RSRC1: variants seen among roughly 807,000 people sequenced by gnomAD.
RSRC1 encodes the protein arginine and serine rich coiled-coil 1.
RSRC1 carries 39 observed loss-of-function variants against 49.1 expected under a neutral mutation model. That is an observed-to-expected ratio of 0.79 (90% confidence interval 0.61 to 1.04). The LOEUF is 1.04. Ranked by LOEUF, RSRC1 falls within the 50% of genes least tolerant of loss-of-function variation. RSRC1 has a pLI of 0.00. For missense variants in RSRC1, 388 were observed against 402.4 expected, an observed-to-expected ratio of 0.96 and a Z score of 0.31; for synonymous variants, 143 against 130.8, an observed-to-expected ratio of 1.09 and a Z score of -0.63.
At chr3:158,241,795 CTG>C (rs1412743246) in intron 4 of RSRC1, among the ~76,000 whole-genome samples, 1 of 151,888 alleles carries the variant, frequency 6.6e-6, no homozygotes, top group African/African-American at 2.4e-5. Flanking sequence ...TCTTGAAAGT[CTG>C]TATCTTAAAA....
At chr3:158,370,386 G>A (rs1017964693) in intron 6 of RSRC1, among the ~76,000 whole-genome samples, 6 of 151,914 alleles carry the variant, frequency 3.9e-5, no homozygotes, top group Non-Finnish European at 8.8e-5. Context: ...ACTCCAGAAG[G>A]TTTCTTTGTT....
chr3:158,206,730 A>G (rs570121135), intron 4 of RSRC1, among the ~76,000 whole-genome samples: 1 of 152,222 alleles, frequency 6.6e-6, no homozygotes, highest in East Asian at 1.9e-4. Context: ...CCTGACCAAC[A>G]TGGTGAAACC....
At chr3:158,146,389 T>A (rs1717119824) in intron 3 of RSRC1, among the ~76,000 whole-genome samples, 1 of 152,112 alleles carries the variant, frequency 6.6e-6, no homozygotes, top group Admixed American at 6.5e-5. Context: ...GAGATAATCA[T>A]GTGGTTTTTG....
chr3:158,134,912 AT>A (rs1384676676), intron 3 of RSRC1, among the ~76,000 whole-genome samples: 2 of 152,134 alleles, frequency 1.3e-5, no homozygotes, highest in African/African-American at 4.8e-5. Flanking sequence ...CTATAGCACA[AT>A]TTTTGTTAAG....
intron 4 of RSRC1, among the ~76,000 whole-genome samples, chr3:158,282,002 G>A (rs1726205616): frequency 6.6e-6 from 1 of 152,126 alleles, no homozygotes; most frequent in African/African-American, 2.4e-5. Flanking sequence ...ATGGAAGAAA[G>A]CTGCCCTCCT....
At chr3:158,513,301 A>C (rs1329009670) in intron 7 of RSRC1, among the ~76,000 whole-genome samples, 1 of 151,482 alleles carries the variant, frequency 6.6e-6, no homozygotes, top group African/African-American at 2.4e-5. Context: ...TCAATACCCA[A>C]TTTATTGAGA....
At chr3:158,383,614 A>C (rs1377096213) in intron 6 of RSRC1, among the ~76,000 whole-genome samples, 1 of 152,196 alleles carries the variant, frequency 6.6e-6, no homozygotes, top group Non-Finnish European at 1.5e-5. Flanking sequence ...ACATGCATAC[A>C]AAAAGCCTTG....
intron 7 of RSRC1, among the ~76,000 whole-genome samples, chr3:158,514,716 G>T (rs928735500): frequency 6.6e-6 from 1 of 151,918 alleles, no homozygotes; most frequent in Middle Eastern, 3.2e-3. Context: ...TGACAGTGGG[G>T]TGTTAAAGTC....
chr3:158,134,458 G>C (rs766812839), intron 3 of RSRC1, among the ~76,000 whole-genome samples: 5 of 152,080 alleles, frequency 3.3e-5, no homozygotes, highest in African/African-American at 4.8e-5. Context: ...AGTTGGTTTT[G>C]ACTTAGAAAA....
chr3:158,150,279 A>G (rs978426496), intron 3 of RSRC1, among the ~76,000 whole-genome samples: 8 of 152,308 alleles, frequency 5.3e-5, no homozygotes, highest in South Asian at 2.1e-4. Flanking sequence ...AGGTGGGTCC[A>G]TTTATTGCAC....
chr3:158,266,452 G>C (rs186963923), intron 4 of RSRC1, among the ~76,000 whole-genome samples: 2 of 152,228 alleles, frequency 1.3e-5, no homozygotes, highest in Admixed American at 1.3e-4. Context: ...CAGAAAGTAT[G>C]CTTTGTAAGA....
At chr3:158,136,708 C>T (rs1361334337) in intron 3 of RSRC1, 1 of 152,162 alleles carries the variant, frequency 6.6e-6, no homozygotes, top group Non-Finnish European at 1.5e-5. Context: ...TTTCTTTTTG[C>T]AGAGTGTTTT....
intron 7 of RSRC1, among the ~76,000 whole-genome samples, chr3:158,465,273 A>T (rs1025170042): frequency 6.6e-6 from 1 of 152,180 alleles, no homozygotes; most frequent in Non-Finnish European, 1.5e-5. Context: ...GACCAGAGCC[A>T]AACCTAAGCA....
chr3:158,235,425 A>G (rs1303148080), intron 4 of RSRC1, among the ~76,000 whole-genome samples: 1 of 152,218 alleles, frequency 6.6e-6, no homozygotes, highest in Non-Finnish European at 1.5e-5. Context: ...AGATGTGGTC[A>G]ATTATAGTTA....
chr3:158,481,177 T>G (rs1214078302), intron 7 of RSRC1, among the ~76,000 whole-genome samples: 1 of 151,928 alleles, frequency 6.6e-6, no homozygotes, highest in Non-Finnish European at 1.5e-5. Context: ...ATTTCCTTAA[T>G]TGGCATAGAT....
chr3:158,300,779 TAGAG>T (rs1488540898), intron 5 of RSRC1, among the ~76,000 whole-genome samples: 1 of 152,214 alleles, frequency 6.6e-6, no homozygotes, highest in African/African-American at 2.4e-5. Flanking sequence ...TAGATTATCA[TAGAG>T]AGCATTGTTC....
chr3:158,204,718 A>G (rs28605883), intron 4 of RSRC1, among the ~76,000 whole-genome samples: 6,729 of 152,054 alleles, frequency 0.044, 214 homozygotes, highest in South Asian at 0.077. Flanking sequence ...TCCTTTTAAA[A>G]TTTTTTCTTC....
At chr3:158,281,495 G>A (rs1726166842) in intron 4 of RSRC1, among the ~76,000 whole-genome samples, 2 of 152,158 alleles carry the variant, frequency 1.3e-5, no homozygotes, top group African/African-American at 4.8e-5. Context: ...CACAAGACTA[G>A]GGCCCAGGAC....
At chr3:158,353,971 A>G (rs1384589303) in intron 5 of RSRC1, among the ~76,000 whole-genome samples, 3 of 149,122 alleles carry the variant, frequency 2.0e-5, no homozygotes, top group Non-Finnish European at 4.5e-5. Context: ...GGTCACTGGT[A>G]GGAAATTAGT....
Sources: allele counts gnomAD v4.1 joint callset (sites outside exome capture counted in the v4.1 genomes callset), GRCh38; gene constraint gnomAD v4.1.1; transcripts MANE v1.5; gene names NCBI Gene and HGNC (gene_info 2026-07-23, HGNC 2026-07-21).